SHROOM2: variants seen among roughly 807,000 people sequenced by gnomAD.
SHROOM2 encodes protein Shroom2.
In SHROOM2, 33 loss-of-function variants were observed where a neutral mutation model predicts 75.9. The ratio of observed to expected loss-of-function variants is 0.43; its 90% CI spans 0.33 to 0.58. The LOEUF (loss-of-function observed/expected upper bound fraction) is 0.58, where lower values mean the gene tolerates loss of function less well. Among genes scored for constraint, SHROOM2 ranks in the 20% least tolerant of loss-of-function variants. The probability of loss-of-function intolerance (pLI) is 0.04; values close to 1 mark genes in which losing one functional copy is unlikely to be tolerated. For synonymous variants in SHROOM2, 655 were observed against 663.6 expected (o/e 0.99, Z 0.20); for missense variants, 1,434 against 1,461.2 (o/e 0.98, Z 0.30).
rs758603889 is a variant in SHROOM2 at position 9,825,250 on chromosome X, C to T, written c.165+38540C>T. Among the ~76,000 whole-genome samples the T allele has an allele frequency of 5.3e-5, 6 of 112,235 alleles. No homozygotes were observed. The East Asian group carries it at 1.4e-3, about 26-fold the overall frequency. On this transcript the variant is annotated intron_variant, in intron 1 of 9. Transcript: ENST00000380913. ...TCTTGGACAAAAATGAAAGGGATCA[C>T]GAAGAATGTGTTTCCAGCCAGCTTC...
chrX:9,903,614 G>C (rs968154484), intron 5 of SHROOM2, among the ~76,000 whole-genome samples: 5 of 111,546 alleles, frequency 4.5e-5, no homozygotes, highest in African/African-American at 1.3e-4. Flanking sequence ...TGCGACCTCT[G>C]CTCACTGCAG....
chrX:9,791,876 T>A (rs1048521280), intron 1 of SHROOM2, among the ~76,000 whole-genome samples: 4 of 108,730 alleles, frequency 3.7e-5, no homozygotes, highest in African/African-American at 6.7e-5. Flanking sequence ...ATGCCTGTAA[T>A]TCCAGCTACT....
intron 1 of SHROOM2, among the ~76,000 whole-genome samples, chrX:9,801,065 T>C (rs1341243186): frequency 9.0e-6 from 1 of 111,680 alleles, no homozygotes; most frequent in African/African-American, 3.3e-5. Flanking sequence ...GGACTCACAG[T>C]TCCATGTGGC....
At chrX:9,909,940 G>T (rs1238689077) in intron 5 of SHROOM2, among the ~76,000 whole-genome samples, 1 of 111,654 alleles carries the variant, frequency 9.0e-6, no homozygotes, top group Non-Finnish European at 1.9e-5. Context: ...TCTCTCTGCT[G>T]CGTCCTCACA....
chrX:9,891,241 T>A, intron 3 of SHROOM2, 133 bp downstream of exon 3: 1 of 813,422 alleles, frequency 1.2e-6, no homozygotes, highest in Non-Finnish European at 1.7e-6. Context: ...TGGAGGGCTC[T>A]GAATTTTTGA....
chrX:9,803,898 T>C (rs140837296), intron 1 of SHROOM2, among the ~76,000 whole-genome samples: 105 of 111,220 alleles, frequency 9.4e-4, no homozygotes, highest in Non-Finnish European at 1.6e-3. Flanking sequence ...GGTATTGTTT[T>C]ATGTGCGTGT....
intron 5 of SHROOM2, among the ~76,000 whole-genome samples, chrX:9,916,866 T>C (rs779282320): frequency 4.5e-5 from 5 of 112,105 alleles, no homozygotes; most frequent in Admixed American, 9.5e-5. Flanking sequence ...TAGTGGGTGG[T>C]TACAGTTCAA....
At chrX:9,934,517 C>G (rs2084680740) in intron 6 of SHROOM2, among the ~76,000 whole-genome samples, 1 of 111,310 alleles carries the variant, frequency 9.0e-6, no homozygotes. Context: ...TGTCTTACTC[C>G]TTTCAGGCTG....
At chrX:9,885,687 G>A (rs146513987) in intron 2 of SHROOM2, among the ~76,000 whole-genome samples, 3,087 of 111,514 alleles carry the variant, frequency 0.028, 127 homozygotes, top group African/African-American at 0.095. Flanking sequence ...AGGTACAGGG[G>A]CTCACGCCTG....
chrX:9,837,393 C>T (rs1004929227), intron 1 of SHROOM2, among the ~76,000 whole-genome samples: 18 of 112,826 alleles, frequency 1.6e-4, no homozygotes, highest in Admixed American at 9.3e-4. Context: ...CAATTATTGT[C>T]GTGTGAGCAA....
chrX:9,922,788 A>G (rs973683115), intron 5 of SHROOM2, among the ~76,000 whole-genome samples: 1 of 110,168 alleles, frequency 9.1e-6, no homozygotes, highest in Non-Finnish European at 1.9e-5. Flanking sequence ...CTCCTTCCTC[A>G]CACAGTTTCA....
intron 5 of SHROOM2, among the ~76,000 whole-genome samples, chrX:9,901,022 C>G (rs2084362893): frequency 9.0e-6 from 1 of 111,035 alleles, no homozygotes; most frequent in East Asian, 2.8e-4. Context: ...GGGACTCAAA[C>G]AACAGAAGTG....
intron 6 of SHROOM2, among the ~76,000 whole-genome samples, chrX:9,935,229 C>T (rs768138715): frequency 9.1e-5 from 10 of 110,278 alleles, no homozygotes; most frequent in Admixed American, 4.9e-4. Flanking sequence ...TCCCGGGAGC[C>T]GGGGGGGCGG....
At position 9,895,737 on chromosome X, in the gene SHROOM2, C is replaced by T. The variant is rs1601974162; in HGVS notation, c.1829C>T (p.Pro610Leu). Reference protein sequence around the residue: ...SSPEDSATRPPPFDAHVGKPT... With the variant: ...SSPEDSATRPLPFDAHVGKPT... ...CCAGAGGACAGCGCCACCAGACCGCCACCGTTCGACGCCCACGTGGGCAAG... is the reference window on the plus strand; with the variant it reads ...CCAGAGGACAGCGCCACCAGACCGCTACCGTTCGACGCCCACGTGGGCAAG... Residue 610 changes from proline to leucine, a missense_variant, in exon 4 of 10, where the codon CCA (proline) becomes CTA (leucine). By Grantham distance (98) the Pro-to-Leu change is moderately conservative (BLOSUM62 -3). Transcript: ENST00000380913. 2.5e-6 allele frequency: 3 copies of T among 1,196,991 alleles called. No individual in the cohort carries two copies. In the East Asian group the frequency reaches 9.0e-5, roughly 36 times the overall value.
chrX:9,827,549 C>T (rs1018516575), intron 1 of SHROOM2, among the ~76,000 whole-genome samples: 10 of 109,386 alleles, frequency 9.1e-5, no homozygotes, highest in African/African-American at 1.0e-4. Flanking sequence ...TGGTTTGAGG[C>T]GAGGGAGCAC....
At chrX:9,855,324 C>T (rs1178494818) in intron 1 of SHROOM2, among the ~76,000 whole-genome samples, 2 of 44,811 alleles carry the variant, frequency 4.5e-5, no homozygotes, top group African/African-American at 1.4e-4. Flanking sequence ...AAAAAAAAGG[C>T]ATCCTATCAT....
chrX:9,911,537 TAGG>T (rs200364565), intron 5 of SHROOM2, among the ~76,000 whole-genome samples: 2,388 of 110,832 alleles, frequency 0.022, 75 homozygotes, highest in African/African-American at 0.075. Context: ...GAGGGTGGGA[TAGG>T]GCTGTGAGGC....
intron 1 of SHROOM2, among the ~76,000 whole-genome samples, chrX:9,811,333 T>C (rs2083790502): frequency 8.9e-6 from 1 of 111,937 alleles, no homozygotes; most frequent in Non-Finnish European, 1.9e-5. Context: ...GCCACTTTGT[T>C]CATGGGCCCA....
intron 1 of SHROOM2, among the ~76,000 whole-genome samples, chrX:9,789,610 G>A (rs1291213485): frequency 9.0e-6 from 1 of 111,013 alleles, no homozygotes; most frequent in Non-Finnish European, 1.9e-5. Context: ...GGGGAGGGGA[G>A]GGGACTGATT....
Sources: allele counts gnomAD v4.1 joint callset (sites outside exome capture counted in the v4.1 genomes callset), GRCh38; gene constraint gnomAD v4.1.1; transcripts MANE v1.5; gene names NCBI Gene and HGNC (gene_info 2026-07-23, HGNC 2026-07-21).